SHTN1: variants seen among roughly 807,000 people sequenced by gnomAD.
The protein encoded by SHTN1 is shootin 1.
A neutral mutation model predicts 83.1 loss-of-function variants in SHTN1; 42 were observed. The observed-to-expected ratio is 0.51, with a 90% CI of 0.39 to 0.65. The LOEUF is 0.65. Ranked by LOEUF, SHTN1 falls within the 30% of genes least tolerant of loss-of-function variation. The pLI is 0.00. For synonymous variants in SHTN1, 224 were observed against 247.7 expected, an observed-to-expected ratio of 0.90 and a Z score of 0.90; for missense variants, 622 against 737.8, an observed-to-expected ratio of 0.84 and a Z score of 1.82.
chr10:117,037,918 ATTGT>A (rs1196887085), intron 2 of SHTN1, among the ~76,000 whole-genome samples: 1 of 780 alleles, frequency 1.3e-3, no homozygotes, highest in Non-Finnish European at 4.0e-3. Context: ...AGGCAGGATA[ATTGT>A]TTGAACTGGG....
intron 1 of SHTN1, among the ~76,000 whole-genome samples, chr10:117,102,544 C>A (rs1381913872): frequency 6.6e-6 from 1 of 152,136 alleles, no homozygotes; most frequent in Admixed American, 6.5e-5. Context: ...AGCTCACCCT[C>A]CAGCTTCCTG....
intron 1 of SHTN1, among the ~76,000 whole-genome samples, chr10:117,125,896 CCTGA>C (rs1426529277): frequency 6.6e-6 from 1 of 152,130 alleles, no homozygotes; most frequent in African/African-American, 2.4e-5. Flanking sequence ...GGGCTGATGA[CCTGA>C]CTTTCTGGCC....
chr10:116,981,930 G>A (rs562925914), intron 1 of SHTN1, among the ~76,000 whole-genome samples: 37 of 152,106 alleles, frequency 2.4e-4, no homozygotes, highest in Non-Finnish European at 4.6e-4. Flanking sequence ...GTGGTAGCGC[G>A]CACCTGTAAT....
chr10:116,902,149 A>G (rs1847766140), intron 15 of SHTN1, among the ~76,000 whole-genome samples, 192 bp from the exon 16 acceptor site: 1 of 152,212 alleles, frequency 6.6e-6, no homozygotes, highest in African/African-American at 2.4e-5. Flanking sequence ...TCAATCTACC[A>G]GGACCACGCT....
intron 1 of SHTN1, among the ~76,000 whole-genome samples, chr10:116,991,192 G>GA (rs5788204): frequency 0.092 from 13,821 of 149,746 alleles, 910 homozygotes; most frequent in East Asian, 0.21. Context: ...TCTCAAAAAA[G>GA]AAAAAAAAAG....
intron 9 of SHTN1, among the ~76,000 whole-genome samples, chr10:116,937,917 T>G (rs1228079546): frequency 6.6e-6 from 1 of 151,784 alleles, no homozygotes; most frequent in African/African-American, 2.4e-5. Context: ...TAAGTTTATC[T>G]TCAATCTCTG....
chr10:117,031,575 T>C (rs974958028), intron 2 of SHTN1, among the ~76,000 whole-genome samples: 3 of 152,052 alleles, frequency 2.0e-5, no homozygotes, highest in African/African-American at 7.2e-5. Flanking sequence ...AACATATAAA[T>C]AGAAAGAGCA....
chr10:116,947,928 A>G (rs1027545158), intron 7 of SHTN1, among the ~76,000 whole-genome samples: 5 of 152,192 alleles, frequency 3.3e-5, no homozygotes, highest in Non-Finnish European at 5.9e-5. Flanking sequence ...ACATTTAACT[A>G]CAAGGTCCTT....
rs922176420 is a variant in SHTN1 at position 117,105,159 on chromosome 10, G to T, written c.-189+21148C>A. Among the ~76,000 whole-genome samples, 3 of 152,044 alleles carry T rather than the reference G, an allele frequency of 2.0e-5. No individual in the cohort carries two copies. In the East Asian group the frequency reaches 5.8e-4, roughly 29 times the overall value. ...TCTTACTATGCATATCTCATATTTG[G>T]TGACTTTATGTGAACATACCATGTC... On this transcript the variant is annotated intron_variant, in intron 1 of 17. Transcript: ENST00000392901.
chr10:117,084,762 GA>G (rs1853323956), intron 1 of SHTN1, among the ~76,000 whole-genome samples: 1 of 152,216 alleles, frequency 6.6e-6, no homozygotes, highest in Admixed American at 6.5e-5. Context: ...AAGCCCGTCG[GA>G]AAAGCGCAGT....
intron 1 of SHTN1, among the ~76,000 whole-genome samples, chr10:117,123,770 G>A (rs1158040552): frequency 5.3e-5 from 8 of 151,760 alleles, no homozygotes; most frequent in South Asian, 2.1e-4. Flanking sequence ...TCAGCTGGGC[G>A]TAGTGGTGCA....
rs555309151 is a variant in SHTN1 at position 116,961,302 on chromosome 10, C to T, written c.173-1072G>A. Among the ~76,000 whole-genome samples the T allele has an allele frequency of 2.0e-5, 3 of 152,136 alleles. No individual in the cohort carries two copies. The South Asian group carries it at 6.2e-4, about 32-fold the overall frequency. On this transcript the variant is annotated intron_variant, in intron 3 of 16. Transcript: ENST00000355371. ...AATTAAATACAAAAATGTATTACTT[C>T]CTAAGTCTGTCCAAAGTTCTTATTA...
intron 10 of SHTN1, among the ~76,000 whole-genome samples, chr10:116,928,323 T>C (rs1848819082): frequency 6.6e-6 from 1 of 152,214 alleles, no homozygotes; most frequent in Non-Finnish European, 1.5e-5. Context: ...TTCTCTCCCC[T>C]GCTTAATTTC....
chr10:116,931,135 C>CA (rs57720678), intron 9 of SHTN1, among the ~76,000 whole-genome samples: 90,192 of 131,082 alleles, frequency 0.69, 35,129 homozygotes, highest in Non-Finnish European at 0.87. Context: ...CAAAAGTCTT[C>CA]AAAAAAAAAA....
intron 1 of SHTN1, among the ~76,000 whole-genome samples, chr10:117,107,852 G>A (rs1224898798): frequency 6.6e-6 from 1 of 152,076 alleles, no homozygotes; most frequent in Admixed American, 6.6e-5. Context: ...TTGAGAAAGG[G>A]TTTCATTCTG....
At chr10:116,886,982 C>CTGCAGGGTA (rs1847184754) in intron 16 of SHTN1, among the ~76,000 whole-genome samples, 2 of 151,720 alleles carry the variant, frequency 1.3e-5, no homozygotes, top group Non-Finnish European at 2.9e-5. Flanking sequence ...CTGGGTATGG[C>CTGCAGGGTA]TGGTTGCAGG....
chr10:117,026,884 G>T (rs1203783280), intron 2 of SHTN1, among the ~76,000 whole-genome samples: 7 of 152,184 alleles, frequency 4.6e-5, no homozygotes. Context: ...GGCCTTGAGT[G>T]AACATAGGTG....
chr10:116,885,103 T>A lies in SHTN1; in HGVS notation c.*1241A>T, dbSNP rs772912825. On this transcript the variant is annotated 3_prime_UTR_variant, in exon 17 of 17. Transcript: ENST00000355371. Reference sequence around the variant, plus strand: ...CTGCCTACCCACCTCTTCAAGCCTATGCTTACCACACGTGCAAAAATACAA... The same window carrying A: ...CTGCCTACCCACCTCTTCAAGCCTAAGCTTACCACACGTGCAAAAATACAA... The A allele has an allele frequency of 2.6e-5, 4 of 152,652 alleles. No individual in the cohort carries two copies. Among genetic ancestry groups the A allele is most frequent in the Non-Finnish European group, 5.9e-5 (4 of 68,042 alleles). 9.5% of individuals were successfully genotyped at this position (152,652 alleles called of 1,614,324 possible). A position where few individuals can be genotyped will look rare whatever the true frequency, so the allele number is the denominator to read the frequency against.
chr10:116,993,794 G>A (rs61872995), intron 1 of SHTN1, among the ~76,000 whole-genome samples: 5,056 of 152,094 alleles, frequency 0.033, 131 homozygotes, highest in Non-Finnish European at 0.053. Flanking sequence ...CAAAGGTTTC[G>A]CAATCTCTTT....
Sources: allele counts gnomAD v4.1 joint callset (sites outside exome capture counted in the v4.1 genomes callset), GRCh38; gene constraint gnomAD v4.1.1; transcripts MANE v1.5; gene names NCBI Gene and HGNC (gene_info 2026-07-23, HGNC 2026-07-21).